SPG7: variants seen among roughly 807,000 people sequenced by gnomAD.
SPG7 encodes the protein mitochondrial inner membrane m-AAA protease component paraplegin.
SPG7 carries 103 observed loss-of-function variants against 81.9 expected under a neutral mutation model. The observed-to-expected ratio is 1.26, with a 90% CI of 1.07 to 1.48. SPG7 has a LOEUF of 1.48. Among genes scored for constraint, SPG7 ranks in the 40% most tolerant of loss-of-function variants. The pLI is 0.00. For missense variants in SPG7, 1,241 were observed against 1,087.3 expected (o/e 1.14, Z -1.99); for synonymous variants, 534 against 444.2 (o/e 1.20, Z -2.54).
rs1199811656 is a variant in SPG7 at position 89,529,570 on chromosome 16, C to T, written c.852C>T (p.Phe284=). Residue 284 remains phenylalanine, a synonymous_variant, in exon 6 of 17, where the codon TTC becomes TTT. Transcript: ENST00000645818. ...LAGMTGREGG[F]SAFNQLKMAR... is the part of the protein sequence containing the mutation. Reference sequence around the variant, plus strand: ...GGATGACTGGAAGGGAAGGTGGATTCAGTGCTTTTGTAAGTTCTGTAAATC... The same window carrying T: ...GGATGACTGGAAGGGAAGGTGGATTTAGTGCTTTTGTAAGTTCTGTAAATC... 4 of 1,611,834 alleles carry T rather than the reference C, an allele frequency of 2.5e-6. No homozygotes were observed. The highest frequency in any genetic ancestry group is 1.3e-5 in the African/African-American group (1 of 74,892).
intron 1 of SPG7, 102 bp downstream of exon 1, chr16:89,508,702 G>T (rs1188659220): frequency 8.2e-7 from 1 of 1,215,912 alleles, no homozygotes. Context: ...CTGCGGCGGG[G>T]GAGCCTGCGC....
chr16:89,523,777 T>C (rs2058224068), intron 3 of SPG7: 2 of 686,454 alleles, frequency 2.9e-6, no homozygotes, highest in Non-Finnish European at 5.3e-6. Flanking sequence ...GAACCACTCC[T>C]GCTCCTCACT....
intron 9 of SPG7, chr16:89,538,478 TC>T: frequency 6.6e-6 from 1 of 151,628 alleles, no homozygotes; most frequent in Non-Finnish European, 1.5e-5. Context: ...TGTGGCTTAT[TC>T]CCCGGGTGGA....
chr16:89,542,231 T>C (rs1237370385), intron 9 of SPG7: 1 of 152,198 alleles, frequency 6.6e-6, no homozygotes, highest in Non-Finnish European at 1.5e-5. Context: ...CAGAATTCTG[T>C]ATCCACAGCC....
In SPG7 at chr16:89,531,815, G is replaced by C. The variant is rs955764458; in HGVS notation, c.988-89G>C. On this transcript the variant is annotated intron_variant, in intron 7 of 16. Transcript: ENST00000645818. The stretch of plus-strand genomic sequence containing the variant: ...CTATCATGGCACCCACTGCACTCCA[G>C]CCTGCGTGACCCAGAGAGACCTTAC... The C allele has an allele frequency of 1.5e-5, 21 of 1,386,758 alleles. 1 individual carries two copies. The South Asian group carries it at 2.2e-4, about 15-fold the overall frequency. 85.9% of individuals were successfully genotyped at this position (1,386,758 alleles called of 1,614,324 possible). A position where few individuals can be genotyped will look rare whatever the true frequency, so the allele number is the denominator to read the frequency against.
At chr16:89,529,072 A>G in intron 5 of SPG7, 2 of 287,274 alleles carry the variant, frequency 7.0e-6, no homozygotes, top group South Asian at 6.7e-5. Flanking sequence ...ACGGCCTCCC[A>G]AAGTGCTAGG....
intron 1 of SPG7, chr16:89,508,938 T>A: frequency 1.9e-6 from 1 of 521,858 alleles, no homozygotes; most frequent in South Asian, 1.5e-5. Flanking sequence ...TAATTTACAG[T>A]CCACGCCTGT....
chr16:89,522,003 C>T (rs907361266), intron 3 of SPG7: 6 of 152,098 alleles, frequency 3.9e-5, no homozygotes, highest in Admixed American at 2.6e-4. Context: ...CAGTGCACCC[C>T]ATGTTTCTAG....
chr16:89,520,183 C>T (rs1007031034), intron 3 of SPG7: 1 of 152,888 alleles, frequency 6.5e-6, no homozygotes, highest in East Asian at 1.9e-4. Flanking sequence ...TGGAAGCACA[C>T]AGGAGGAAGG....
At chr16:89,555,438 C>T (rs2058677508) in intron 16 of SPG7, 2 of 157,020 alleles carry the variant, frequency 1.3e-5, no homozygotes, top group Non-Finnish European at 1.4e-5. Context: ...TCCCTGCCAC[C>T]CTGCCTCGCT....
At position 89,530,740 on chromosome 16, in the gene SPG7, A is replaced by G. The variant is rs754202553; in HGVS notation, c.919A>G (p.Ser307Gly). The change falls in exon 7 of 17, where the codon AGC (serine) becomes GGC (glycine). Residue 307 changes from serine (S) to glycine (G), a missense_variant. By Grantham distance (56) the Ser-to-Gly change is moderately conservative. Coordinates refer to ENST00000645818, the MANE Select transcript of SPG7 (RefSeq NM_003119.4). ...IVDGKMGKGV[S>G]FKDVAGMHEA... ...GGATGGGAAGATGGGGAAAGGAGTC[A>G]GCTTCAAAGACGTGGCAGGAATGCA... 6.2e-7 allele frequency: 1 copy of G among 1,614,214 alleles called. No homozygotes were observed. The highest frequency in any genetic ancestry group is 8.5e-7 in the Non-Finnish European group (1 of 1,180,032).
intron 10 of SPG7, 87 bp from the exon 11 acceptor site, chr16:89,546,571 A>ACCC: frequency 1.3e-6 from 1 of 774,016 alleles, no homozygotes; most frequent in Non-Finnish European, 2.2e-6. Context: ...CTACTTGGGG[A>ACCC]CCCCCCCCCC....
intron 3 of SPG7, chr16:89,518,695 A>G (rs1284913505): frequency 6.6e-6 from 1 of 152,242 alleles, no homozygotes; most frequent in Non-Finnish European, 1.5e-5. Context: ...CACATGCCGT[A>G]TGATTTTTTT....
chr16:89,527,917 G>A lies in SPG7; in HGVS notation c.758+1449G>A, dbSNP rs1186691243. Among the ~76,000 whole-genome samples the A allele has an allele frequency of 3.3e-5, 5 of 151,088 alleles. No individual in the cohort carries two copies. In the South Asian group the frequency reaches 8.4e-4, roughly 25 times the overall value. ...TCGAGACCAGTCTGGGCAGCATGGA[G>A]AACCCCATCTCTACAGAAAAAAAAA... On this transcript the variant is annotated intron_variant, in intron 5 of 16. Coordinates refer to ENST00000645818, the MANE Select transcript of SPG7 (RefSeq NM_003119.4).
At chr16:89,552,566 A>C in intron 13 of SPG7, 1 of 281,534 alleles carries the variant, frequency 3.6e-6, no homozygotes, top group Non-Finnish European at 7.1e-6. Flanking sequence ...GTGGGGGAGC[A>C]GCAGAGGTGA....
intron 1 of SPG7, chr16:89,509,074 C>T: frequency 4.8e-6 from 2 of 412,572 alleles, no homozygotes; most frequent in Admixed American, 2.5e-5. Context: ...TGTCATGTAG[C>T]TCGGCACGTT....
chr16:89,508,535 G>A lies in SPG7; in HGVS notation c.118G>A (p.Gly40Arg), dbSNP rs897056635. The A allele has an allele frequency of 1.3e-6, 2 of 1,512,550 alleles. No homozygotes were observed. The highest frequency in any genetic ancestry group is 2.1e-5 in the Admixed American group (1 of 48,638). The allele number at this position is 1,512,550 out of a possible 1,614,324, so 93.7% of individuals were successfully genotyped here. The change falls in exon 1 of 17, where the codon GGG becomes AGG. Residue 40 changes from glycine (G) to arginine (R), a missense_variant. Coordinates refer to ENST00000645818, the MANE Select transcript of SPG7 (RefSeq NM_003119.4). ...SPGFPARPGR[G>R]RPYMASRPPG... ...AGGGTTCCCCGCCAGGCCCGGGAGG[G>A]GGCGGCCGTACATGGCCAGCAGGCC...
In SPG7 at chr16:89,513,009, G is replaced by T. The variant is rs761204811; in HGVS notation, c.348G>T (p.Ser116=). 1 of 1,612,916 alleles carries T rather than the reference G, an allele frequency of 6.2e-7. No homozygotes were observed. Among genetic ancestry groups the T allele is most frequent in the Non-Finnish European group, 8.5e-7 (1 of 1,179,146 alleles). The change falls in exon 3 of 17, where the codon TCG becomes TCT. Residue 116 remains serine, a synonymous_variant. Coordinates refer to ENST00000645818, the MANE Select transcript of SPG7 (RefSeq NM_003119.4). ...LKQKNKEKDK[S]KGKAPEEDEE... is the part of the protein sequence containing the mutation. ...AGAAGAATAAGGAGAAGGATAAGTC[G>T]AAGGGGAAGGCGCCTGAAGAGGACG...
intron 13 of SPG7, chr16:89,552,132 C>T (rs1341120505): frequency 6.6e-6 from 1 of 152,308 alleles, no homozygotes; most frequent in Non-Finnish European, 1.5e-5. Flanking sequence ...GATCACAGCT[C>T]ACTGCAGCCT....
Sources: gnomAD v4.1 joint callset for allele counts (sites outside exome capture counted in the v4.1 genomes callset) on GRCh38, gnomAD v4.1.1 for gene constraint, MANE v1.5 for transcripts, NCBI Gene and HGNC (gene_info 2026-07-23, HGNC 2026-07-21) for gene names.